The following PDIA2 variants were observed in gnomAD, a reference collection of about 807,000 sequenced individuals.
PDIA2 encodes protein disulfide isomerase family A member 2.
A neutral mutation model predicts 51.1 loss-of-function variants in PDIA2; 76 were observed. The observed-to-expected ratio is 1.49, with a 90% CI of 1.24 to 1.80. The LOEUF (loss-of-function observed/expected upper bound fraction) is 1.80, where lower values mean the gene tolerates loss of function less well. PDIA2 is among the 40% of genes most tolerant of loss of function. The probability of loss-of-function intolerance (pLI) is 0.00; values close to 1 mark genes in which losing one functional copy is unlikely to be tolerated. For missense variants in PDIA2, 946 were observed against 706.5 expected (o/e 1.34, Z -3.84); for synonymous variants, 429 against 309.9 (o/e 1.38, Z -4.04).
chr16:287,204 C>T lies in PDIA2; in HGVS notation c.*91C>T, dbSNP rs1189831966. 1.3e-6 allele frequency: 2 copies of T among 1,535,622 alleles called. No individual in the cohort carries two copies. The highest frequency in any genetic ancestry group is 1.8e-6 in the Non-Finnish European group (2 of 1,115,942). ...CTGTGCATTGTGAATAAAGAGTGAG[C>T]TTGGTTCTGGACTCTGTGTGCCTGG... On this transcript the variant is annotated 3_prime_UTR_variant, in exon 11 of 11. Coordinates refer to ENST00000219406, the MANE Select transcript of PDIA2 (RefSeq NM_006849.4).
At chr16:285,757 C>G (rs1489142448) in intron 7 of PDIA2, 54 bp downstream of exon 7, 1 of 1,567,388 alleles carries the variant, frequency 6.4e-7, no homozygotes, top group African/African-American at 1.4e-5. Flanking sequence ...ATCCCACCAG[C>G]TTGGCAGGGG....
At position 283,498 on chromosome 16, in the gene PDIA2, CTG is replaced by C. The variant is rs1435978766; in HGVS notation, c.199+133_199+134del. 4 of 1,019,808 alleles carry C rather than the reference CTG, an allele frequency of 3.9e-6. No individual in the cohort carries two copies. In the East Asian group the frequency reaches 1.1e-4, roughly 28 times the overall value. 63.2% of individuals were successfully genotyped at this position (1,019,808 alleles called of 1,614,324 possible). On this transcript the variant is annotated intron_variant, in intron 1 of 10. Transcript: ENST00000219406. ...GCCTCCCCGCAGGCACTTGCCCCCA[CTG>C]TGCCCAGGAGCTCTCTAGGAGGGGC...
rs2052334661 is a variant in PDIA2 at position 285,019 on chromosome 16, G to A, written c.678+4G>A. 1 of 1,613,222 alleles carries A rather than the reference G, an allele frequency of 6.2e-7. No individual in the cohort carries two copies. The highest frequency in any genetic ancestry group is 1.3e-5 in the African/African-American group (1 of 74,938). ...CACTGTGGTTCTCTTCAAGAAGGTA[G>A]GTCAGGCCCAGGTGTGGGTTGGGGT... is the stretch of plus-strand genomic sequence containing the variant. On this transcript the variant is annotated splice_donor_region_variant and intron_variant, in intron 4 of 10. Coordinates refer to ENST00000219406, the MANE Select transcript of PDIA2 (RefSeq NM_006849.4).
At position 287,132 on chromosome 16, in the gene PDIA2, C is replaced by CG. The variant is rs1740894203; in HGVS notation, c.*20dup. 6.2e-7 allele frequency: 1 copy of CG among 1,612,696 alleles called. No homozygotes were observed. The highest frequency in any genetic ancestry group is 1.7e-5 in the Admixed American group (1 of 60,018). On this transcript the variant is annotated 3_prime_UTR_variant, in exon 11 of 11. Coordinates refer to ENST00000219406, the MANE Select transcript of PDIA2 (RefSeq NM_006849.4). ...ACTGTAGCTGCCCCCGTGTCACCCC[C>CG]GCCATCACTGCTGGACAGGAGCCAC...
At chr16:284,108 T>TCC (rs1403037552) in intron 1 of PDIA2, 8 of 515,882 alleles carry the variant, frequency 1.6e-5, no homozygotes, top group Admixed American at 3.2e-5. Flanking sequence ...CCTCAGGTGA[T>TCC]ATGCCCGCCT....
intron 7 of PDIA2, among the ~76,000 whole-genome samples, chr16:286,081 C>A (rs1264958285): frequency 8.6e-6 from 1 of 115,832 alleles, no homozygotes; most frequent in East Asian, 2.3e-4. Flanking sequence ...AGGTCCCTCC[C>A]CCCACCAAAC....
intron 1 of PDIA2, chr16:284,156 C>G (rs1312212027): frequency 1.7e-6 from 1 of 591,428 alleles, no homozygotes; most frequent in Non-Finnish European, 3.0e-6. Context: ...GCGTGAGCCA[C>G]TGAGCCTGGC....
At position 285,442 on chromosome 16, in the gene PDIA2, T is replaced by TA; in HGVS notation, c.921+5_921+6insA. The TA allele has an allele frequency of 8.6e-7, 1 of 1,156,898 alleles. No homozygotes were observed. Among genetic ancestry groups the TA allele is most frequent in the Non-Finnish European group, 1.2e-6 (1 of 831,104 alleles). The allele number at this position is 1,156,898 out of a possible 1,614,324, so 71.7% of individuals were successfully genotyped here. The stretch of plus-strand genomic sequence containing the variant: ...GCTCCCCGCTTCCGGGGGCAGGTAC[T>TA]GGGGGGCTGGGGGAAAGGGGCAGCG... On this transcript the variant is annotated splice_donor_region_variant and intron_variant, in intron 6 of 10. Coordinates refer to ENST00000219406, the MANE Select transcript of PDIA2 (RefSeq NM_006849.4).
At position 285,683 on chromosome 16, in the gene PDIA2, G is replaced by A. The variant is rs201555942; in HGVS notation, c.1099G>A (p.Val367Ile). 2.5e-6 allele frequency: 4 copies of A among 1,613,058 alleles called. No individual in the cohort carries two copies. Among genetic ancestry groups the A allele is most frequent in the Non-Finnish European group, 3.4e-6 (4 of 1,179,906 alleles). ...AASITAFCHA[V>I]LNGQVKPYLL... ...GTCCATCACTGCTTTCTGCCATGCA[G>A]TCCTCAACGGCCAAGTCAAGGTCCG... The change falls in exon 7 of 11, where the codon GTC (valine) becomes ATC (isoleucine). Residue 367 changes from valine (V) to isoleucine (I), a missense_variant. Coordinates refer to ENST00000219406, the MANE Select transcript of PDIA2 (RefSeq NM_006849.4).
At position 284,903 on chromosome 16, in the gene PDIA2, CCTT is replaced by C. The variant is rs1326827590; in HGVS notation, c.570_572del (p.Phe190del). On this transcript the variant is annotated inframe_deletion, in exon 4 of 11. Transcript: ENST00000219406. The stretch of plus-strand genomic sequence containing the variant: ...GACCTGCAGGACGAGGACGTGGCCA[CCTT>C]CTTGGCCTTGGCCCAGGACGCCCTG... 2 of 1,612,810 alleles carry C rather than the reference CCTT, an allele frequency of 1.2e-6. No homozygotes were observed. Among genetic ancestry groups the C allele is most frequent in the Non-Finnish European group, 8.5e-7 (1 of 1,179,688 alleles).
At chr16:283,538 T>C (rs1465226221) in intron 1 of PDIA2, among the ~76,000 whole-genome samples, 170 bp downstream of exon 1, 1 of 152,166 alleles carries the variant, frequency 6.6e-6, no homozygotes, top group Non-Finnish European at 1.5e-5. Flanking sequence ...GGGGGTCTGG[T>C]TGGGGCAGGC....
At position 284,967 on chromosome 16, in the gene PDIA2, C is replaced by A; in HGVS notation, c.630C>A (p.Leu210=). The A allele has an allele frequency of 6.2e-7, 1 of 1,613,430 alleles. No individual in the cohort carries two copies. Among genetic ancestry groups the A allele is most frequent in the Non-Finnish European group, 8.5e-7 (1 of 1,180,020 alleles). Residue 210 remains leucine, a synonymous_variant, in exon 4 of 11, where the codon CTC becomes CTA. Coordinates refer to ENST00000219406, the MANE Select transcript of PDIA2 (RefSeq NM_006849.4). ...MTFGLTDRPR[L]FQQFGLTKDT... ...TTGGCCTCACAGACCGGCCGCGGCT[C>A]TTTCAGCAGTTTGGCCTCACCAAGG...
intron 1 of PDIA2, among the ~76,000 whole-genome samples, chr16:283,989 C>T (rs59874651): frequency 2.0e-5 from 3 of 152,338 alleles, no homozygotes; most frequent in Admixed American, 1.3e-4. Flanking sequence ...CTCAGCCTCC[C>T]GAGTAGCTGG....
intron 10 of PDIA2, 49 bp from the exon 11 acceptor site, chr16:287,020 G>A (rs1567252466): frequency 1.2e-6 from 2 of 1,612,392 alleles, no homozygotes; most frequent in African/African-American, 1.3e-5. Flanking sequence ...GGCGGGGGCA[G>A]GGGTAGGCTG....
chr16:287,123 T>TGTCACCCCCGC lies in PDIA2; in HGVS notation c.*11_*21dup, dbSNP rs769980604. ...CAAGGAGGAACTGTAGCTGCCCCCG[T>TGTCACCCCCGC]GTCACCCCCGCCATCACTGCTGGAC... On this transcript the variant is annotated 3_prime_UTR_variant, in exon 11 of 11. Transcript: ENST00000219406. The TGTCACCCCCGC allele has an allele frequency of 4.7e-5, 76 of 1,612,694 alleles. No homozygotes were observed. The South Asian group carries it at 7.7e-4, about 16-fold the overall frequency.
At position 285,091 on chromosome 16, in the gene PDIA2, A is replaced by C; in HGVS notation, c.686A>C (p.Glu229Ala). 6.2e-7 allele frequency: 1 copy of C among 1,612,952 alleles called. No homozygotes were observed. The highest frequency in any genetic ancestry group is 1.7e-5 in the Admixed American group (1 of 60,010). The change falls in exon 5 of 11, where the codon GAG becomes GCG. Residue 229 changes from glutamate to alanine, a missense_variant. By Grantham distance (107) the Glu-to-Ala change is moderately radical (BLOSUM62 -1). Transcript: ENST00000219406. ...DTVVLFKKFDEGRADFPVDEE... is the reference protein window; with the variant it reads ...DTVVLFKKFDAGRADFPVDEE... ...CCACCTGCTGCTGTCCAGTTTGATGAGGGGCGGGCAGACTTCCCCGTGGAC... is the reference window on the plus strand; with the variant it reads ...CCACCTGCTGCTGTCCAGTTTGATGCGGGGCGGGCAGACTTCCCCGTGGAC...
chr16:286,338 C>T lies in PDIA2; in HGVS notation c.1120-15C>T, dbSNP rs1204233402. On this transcript the variant is annotated splice_polypyrimidine_tract_variant and intron_variant, in intron 7 of 10. Transcript: ENST00000219406. ...AGAGGACCCCTGGCAAAGCGCCTGT[C>T]CTGGTTTCCCCCAGCCCTATCTCCT... The T allele has an allele frequency of 3.2e-6, 5 of 1,545,942 alleles. No individual in the cohort carries two copies. Among genetic ancestry groups the T allele is most frequent in the African/African-American group, 1.4e-5 (1 of 69,330 alleles).
rs781628123 is a variant in PDIA2, at chr16:285,657, C to T, written c.1073C>T (p.Ala358Val). Reference protein sequence around the residue: ...APVDGGPVTAASITAFCHAVL... With the variant: ...APVDGGPVTAVSITAFCHAVL... ...GTGGATGGGGGCCCTGTCACCGCAGCGTCCATCACTGCTTTCTGCCATGCA... is the reference window on the plus strand; with the variant it reads ...GTGGATGGGGGCCCTGTCACCGCAGTGTCCATCACTGCTTTCTGCCATGCA... Residue 358 changes from alanine to valine, a missense_variant, in exon 7 of 11, where the codon GCG (alanine) becomes GTG (valine). Transcript: ENST00000219406. The T allele has an allele frequency of 1.1e-5, 18 of 1,613,144 alleles. No homozygotes were observed. Among genetic ancestry groups the T allele is most frequent in the Non-Finnish European group, 1.4e-5 (16 of 1,179,968 alleles).
At chr16:284,279 CT>C in intron 1 of PDIA2, 107 bp from the exon 2 acceptor site, 1 of 1,157,784 alleles carries the variant, frequency 8.6e-7, no homozygotes, top group Non-Finnish European at 1.2e-6. Flanking sequence ...ACGGCCAGGG[CT>C]CAGGGCAGAA....
Sources: gnomAD v4.1 joint callset for allele counts (sites outside exome capture counted in the v4.1 genomes callset) on GRCh38, gnomAD v4.1.1 for gene constraint, MANE v1.5 for transcripts, NCBI Gene and HGNC (gene_info 2026-07-23, HGNC 2026-07-21) for gene names.